B3GAT2: variants seen among roughly 807,000 people sequenced by gnomAD.
The protein encoded by B3GAT2 is beta-1,3-glucuronyltransferase 2.
In B3GAT2, 26 loss-of-function variants were observed where a neutral mutation model predicts 27.8. The ratio of observed to expected loss-of-function variants is 0.93; its 90% confidence interval spans 0.68 to 1.30. The LOEUF (loss-of-function observed/expected upper bound fraction) is 1.30, where lower values mean the gene tolerates loss of function less well. B3GAT2 is among the 50% of genes most tolerant of loss of function. The probability of loss-of-function intolerance (pLI) is 0.00; values close to 1 mark genes in which losing one functional copy is unlikely to be tolerated. For missense variants in B3GAT2, 458 were observed against 459.0 expected, an observed-to-expected ratio of 1.00 and a Z score of 0.02; for synonymous variants, 218 against 195.1, an observed-to-expected ratio of 1.12 and a Z score of -0.98.
intron 1 of B3GAT2, among the ~76,000 whole-genome samples, chr6:70,918,894 A>C (rs916379946): frequency 6.6e-6 from 1 of 151,890 alleles, no homozygotes; most frequent in Non-Finnish European, 1.5e-5. Flanking sequence ...CTTCTCGAGG[A>C]GTATCTTTGT....
At chr6:70,892,929 C>G (rs1244162686) in intron 2 of B3GAT2, among the ~76,000 whole-genome samples, 2 of 152,180 alleles carry the variant, frequency 1.3e-5, no homozygotes, top group African/African-American at 4.8e-5. Context: ...GATGCCAGCT[C>G]AGTTCTGGAG....
intron 1 of B3GAT2, among the ~76,000 whole-genome samples, chr6:70,944,678 C>A (rs1386683167): frequency 1.3e-5 from 2 of 152,192 alleles, no homozygotes; most frequent in African/African-American, 2.4e-5. Flanking sequence ...GTAACCTCTG[C>A]AGACTTAAAT....
intron 1 of B3GAT2, among the ~76,000 whole-genome samples, chr6:70,920,958 C>T (rs542256271): frequency 3.9e-5 from 6 of 152,172 alleles, no homozygotes; most frequent in Non-Finnish European, 8.8e-5. Flanking sequence ...GTCTCCAAAT[C>T]TCTCCTGGCT....
intron 1 of B3GAT2, among the ~76,000 whole-genome samples, chr6:70,907,106 T>G (rs958828958): frequency 1.3e-5 from 2 of 152,182 alleles, no homozygotes; most frequent in Non-Finnish European, 2.9e-5. Context: ...TCTTCCTTAT[T>G]GGCTAAGCTT....
At chr6:70,924,108 G>T (rs1343455370) in intron 1 of B3GAT2, among the ~76,000 whole-genome samples, 1 of 152,070 alleles carries the variant, frequency 6.6e-6, no homozygotes. Flanking sequence ...TAACAAAATT[G>T]CACTTGTAAC....
intron 1 of B3GAT2, among the ~76,000 whole-genome samples, chr6:70,954,948 G>A (rs987406562): frequency 1.3e-5 from 2 of 149,542 alleles, no homozygotes; most frequent in Non-Finnish European, 1.5e-5. Flanking sequence ...GCCATCCCAG[G>A]GAACTCATGG....
intron 2 of B3GAT2, among the ~76,000 whole-genome samples, chr6:70,890,456 T>C (rs1429398614): frequency 1.3e-5 from 2 of 152,258 alleles, no homozygotes; most frequent in African/African-American, 2.4e-5. Flanking sequence ...GCTCCCAGCC[T>C]GCTCCTTCCA....
chr6:70,867,398 GA>G (rs1020198281), intron 2 of B3GAT2, among the ~76,000 whole-genome samples: 1 of 151,464 alleles, frequency 6.6e-6, no homozygotes, highest in East Asian at 1.9e-4. Context: ...AGTCATTTAG[GA>G]AAAAAAAGTT....
chr6:70,914,917 A>G (rs962517760), intron 1 of B3GAT2, among the ~76,000 whole-genome samples: 1 of 152,208 alleles, frequency 6.6e-6, no homozygotes, highest in African/African-American at 2.4e-5. Context: ...TTGGGTATAT[A>G]CCCACAAATG....
Position 70,859,522 on chromosome 6 carries a change from T to C in B3GAT2, c.*2141A>G, listed in dbSNP as rs1771606475. On this transcript the variant is annotated 3_prime_UTR_variant, in exon 4 of 4. Transcript: ENST00000230053. Reference sequence around the variant, plus strand: ...ATAAGTCAAGTCAAATGTATTAAATTAAGAACACAGTCTAACTCTGAGTGT... The same window carrying C: ...ATAAGTCAAGTCAAATGTATTAAATCAAGAACACAGTCTAACTCTGAGTGT... The C allele has an allele frequency of 1.4e-6, 1 of 714,344 alleles. No homozygotes were observed. Among genetic ancestry groups the C allele is most frequent in the African/African-American group, 1.8e-5 (1 of 56,062 alleles). The allele number at this position is 714,344 out of a possible 1,614,324, so 44.3% of individuals were successfully genotyped here. A position where few individuals can be genotyped will look rare whatever the true frequency, so the allele number is the denominator to read the frequency against.
chr6:70,912,097 T>G (rs1487695494), intron 1 of B3GAT2, among the ~76,000 whole-genome samples: 1 of 152,004 alleles, frequency 6.6e-6, no homozygotes, highest in Admixed American at 6.6e-5. Flanking sequence ...TGACTTCCTC[T>G]CTTCCTATTT....
intron 2 of B3GAT2, among the ~76,000 whole-genome samples, chr6:70,892,365 C>G (rs2504742): frequency 0.19 from 28,768 of 152,168 alleles, 3,430 homozygotes; most frequent in Non-Finnish European, 0.26. Context: ...TATTTGATAC[C>G]TGATCATCTA....
intron 2 of B3GAT2, among the ~76,000 whole-genome samples, chr6:70,869,174 T>C (rs1771896987): frequency 6.6e-6 from 1 of 152,170 alleles, no homozygotes; most frequent in Admixed American, 6.5e-5. Context: ...CACACTGTAT[T>C]ACTGTAGTTT....
chr6:70,926,275 G>C lies in B3GAT2; in HGVS notation c.591+29564C>G, dbSNP rs113433453. Among the ~76,000 whole-genome samples the C allele has an allele frequency of 1.4e-3, 217 of 152,336 alleles. 1 individual carries two copies. Among genetic ancestry groups the C allele is most frequent in the African/African-American group, 4.8e-3 (200 of 41,572 alleles). On this transcript the variant is annotated intron_variant, in intron 1 of 3. Coordinates refer to ENST00000230053, the MANE Select transcript of B3GAT2 (RefSeq NM_080742.3). The stretch of plus-strand genomic sequence containing the variant: ...AAAATCAGAGCGACTCTTCTCCAAA[G>C]GATCGCAGCTCCTCGCCAGCAAAGG...
In B3GAT2 at chr6:70,956,900, C is replaced by T. The variant is rs1018846134; in HGVS notation, c.-471G>A. On this transcript the variant is annotated 5_prime_UTR_variant, in exon 1 of 4. Transcript: ENST00000230053. ...TCTCTGGGACGCCTTCGAGGGCGGGCGGCGGCGCTGGGGGCTTTCCTTCCT... is the reference window on the plus strand; with the variant it reads ...TCTCTGGGACGCCTTCGAGGGCGGGTGGCGGCGCTGGGGGCTTTCCTTCCT... 1.5e-5 allele frequency: 15 copies of T among 1,017,708 alleles called. No individual in the cohort carries two copies. The African/African-American group carries it at 2.3e-4, about 15-fold the overall frequency. The allele number at this position is 1,017,708 out of a possible 1,614,324, so 63.0% of individuals were successfully genotyped here. A position where few individuals can be genotyped will look rare whatever the true frequency, so the allele number is the denominator to read the frequency against.
chr6:70,865,092 A>G (rs746121), intron 2 of B3GAT2, among the ~76,000 whole-genome samples: 66,430 of 152,038 alleles, frequency 0.44, 14,975 homozygotes, highest in Admixed American at 0.49. Flanking sequence ...ATATCTGAAA[A>G]TAAAACAAAA....
intron 1 of B3GAT2, among the ~76,000 whole-genome samples, chr6:70,940,024 G>C (rs1347270484): frequency 6.6e-6 from 1 of 151,954 alleles, no homozygotes; most frequent in African/African-American, 2.4e-5. Context: ...CAGATCCCTG[G>C]GTCTGGCCAC....
In B3GAT2 at chr6:70,859,361, C is replaced by G. The variant is rs377005332; in HGVS notation, c.*2302G>C. ...AGAAGGGTGATGCTGTTCTCCAGCA[C>G]TCCATCAGTGCAATCTACTGGCCAA... On this transcript the variant is annotated 3_prime_UTR_variant, in exon 4 of 4. Transcript: ENST00000230053. 6.1e-5 allele frequency: 94 copies of G among 1,549,284 alleles called. 3 individuals carry two copies. The South Asian group carries it at 1.0e-3, about 17-fold the overall frequency.
intron 1 of B3GAT2, among the ~76,000 whole-genome samples, chr6:70,954,915 C>CGGGGGGGGGGGGGGGGGGG (rs111472599): frequency 8.7e-6 from 1 of 114,970 alleles, no homozygotes; most frequent in African/African-American, 3.0e-5. Context: ...CCGGGGGCGG[C>CGGGGGGGGGGGGGGGGGGG]GGGGGGGGGC....
Sources: gnomAD v4.1 joint callset for allele counts (sites outside exome capture counted in the v4.1 genomes callset) on GRCh38, gnomAD v4.1.1 for gene constraint, MANE v1.5 for transcripts, NCBI Gene and HGNC (gene_info 2026-07-23, HGNC 2026-07-21) for gene names.